The following CHD7 variants were observed in gnomAD, a reference collection of about 807,000 sequenced individuals.
The protein encoded by CHD7 is ATP-dependent chromatin remodeler CHD7.
A neutral mutation model predicts 307.3 loss-of-function variants in CHD7; 24 were observed. That is an observed-to-expected ratio of 0.08 (90% CI 0.06 to 0.11). The LOEUF (loss-of-function observed/expected upper bound fraction) is 0.11, where lower values mean the gene tolerates loss of function less well. Among genes scored for constraint, CHD7 ranks in the 10% least tolerant of loss-of-function variants. CHD7 has a pLI of 1.00. For synonymous variants in CHD7, 1,363 were observed against 1,349.9 expected (o/e 1.01, Z -0.21); for missense variants, 3,106 against 3,727.1 (o/e 0.83, Z 4.34).
intron 1 of CHD7, among the ~76,000 whole-genome samples, chr8:60,733,433 C>T (rs899432031): frequency 2.0e-5 from 3 of 152,170 alleles, no homozygotes; most frequent in African/African-American, 7.2e-5. Flanking sequence ...AATGAAGACC[C>T]TGCTGGACAT....
At chr8:60,840,597 A>G (rs567402902) in intron 19 of CHD7, among the ~76,000 whole-genome samples, 1 of 150,104 alleles carries the variant, frequency 6.7e-6, no homozygotes, top group South Asian at 2.1e-4. Context: ...CAGCTTCCCA[A>G]TAATTTTACC....
chr8:60,855,972 C>T lies in CHD7; in HGVS notation c.6937-3C>T, dbSNP rs1231001444. On this transcript the variant is annotated splice_polypyrimidine_tract_variant and splice_region_variant and intron_variant, in intron 32 of 37. Coordinates refer to ENST00000423902, the MANE Select transcript of CHD7 (RefSeq NM_017780.4). ...TTTCTTGTGACTTTTCTTCTCCCTC[C>T]AGGATAGAGTAATGATAAACCGCTT... 5.0e-6 allele frequency: 8 copies of T among 1,594,662 alleles called. No individual in the cohort carries two copies. Among genetic ancestry groups the T allele is most frequent in the Non-Finnish European group, 6.8e-6 (8 of 1,167,996 alleles).
At chr8:60,691,896 T>C (rs1806211984) in intron 1 of CHD7, among the ~76,000 whole-genome samples, 1 of 152,204 alleles carries the variant, frequency 6.6e-6, no homozygotes, top group Admixed American at 6.5e-5. Context: ...AGATATTTAT[T>C]GGGAGTTAGA....
At chr8:60,761,321 A>C (rs960128661) in intron 2 of CHD7, among the ~76,000 whole-genome samples, 2 of 123,340 alleles carry the variant, frequency 1.6e-5, no homozygotes, top group South Asian at 2.6e-4. Context: ...GAAGGGGAAC[A>C]TCACACTCTG....
intron 1 of CHD7, among the ~76,000 whole-genome samples, chr8:60,706,765 GA>G (rs1434068538): frequency 1.3e-5 from 2 of 151,822 alleles, no homozygotes; most frequent in African/African-American, 2.4e-5. Context: ...TTTCATATAT[GA>G]AAAAAGGAAG....
At chr8:60,849,670 G>A (rs1047385546) in intron 25 of CHD7, among the ~76,000 whole-genome samples, 3 of 152,178 alleles carry the variant, frequency 2.0e-5, no homozygotes, top group Non-Finnish European at 2.9e-5. Context: ...TACAGTGAGC[G>A]ATTCCTGATT....
intron 6 of CHD7, among the ~76,000 whole-genome samples, chr8:60,803,565 C>T (rs1812409364): frequency 6.6e-6 from 1 of 151,952 alleles, no homozygotes; most frequent in South Asian, 2.1e-4. Context: ...GAATTTGAAG[C>T]TGGAGAAAAT....
intron 2 of CHD7, among the ~76,000 whole-genome samples, chr8:60,773,082 T>C (rs180851803): frequency 6.6e-6 from 1 of 152,200 alleles, no homozygotes; most frequent in Non-Finnish European, 1.5e-5. Context: ...ATAGGGTTAT[T>C]ATAGGAATCC....
chr8:60,777,566 C>T (rs1405919228), intron 2 of CHD7, among the ~76,000 whole-genome samples: 1 of 152,188 alleles, frequency 6.6e-6, no homozygotes, highest in East Asian at 1.9e-4. Flanking sequence ...TTAAAAGAAG[C>T]AGAGGGATTG....
intron 19 of CHD7, among the ~76,000 whole-genome samples, chr8:60,838,831 T>C (rs1804849310): frequency 6.6e-6 from 1 of 152,212 alleles, no homozygotes; most frequent in Non-Finnish European, 1.5e-5. Context: ...ACCAGATGGT[T>C]CCACCTGAGA....
intron 2 of CHD7, among the ~76,000 whole-genome samples, chr8:60,760,825 A>T (rs1810157439): frequency 1.3e-5 from 2 of 152,104 alleles, no homozygotes; most frequent in South Asian, 2.1e-4. Context: ...AATGGCAATC[A>T]TTAAAAAGTC....
chr8:60,851,947 C>T, intron 28 of CHD7, 72 bp from the exon 29 acceptor site: 1 of 1,015,864 alleles, frequency 9.8e-7, no homozygotes, highest in Non-Finnish European at 1.4e-6. Context: ...ATGAGTCATC[C>T]TGTTTTGTTG....
In CHD7 at chr8:60,731,662, T is replaced by G. The variant is rs77783819; in HGVS notation, c.-174-9597T>G. On this transcript the variant is annotated intron_variant, in intron 1 of 37. Coordinates refer to ENST00000423902, the MANE Select transcript of CHD7 (RefSeq NM_017780.4). ...TCCATCTCCTTTGTCAAATATAACT[T>G]GATTTGAAACCAAAATTTAGTGTCA... Among the ~76,000 whole-genome samples the G allele has an allele frequency of 6.0e-3, 919 of 152,378 alleles. 7 individuals carry two copies. The highest frequency in any genetic ancestry group is 0.01 in the Non-Finnish European group (699 of 68,024).
intron 4 of CHD7, among the ~76,000 whole-genome samples, chr8:60,796,708 CCTAA>C (rs992494317): frequency 5.9e-5 from 9 of 151,766 alleles, no homozygotes; most frequent in South Asian, 2.1e-4. Flanking sequence ...TTGGCTAGGG[CCTAA>C]CTGTTACGTG....
intron 3 of CHD7, among the ~76,000 whole-genome samples, 155 bp downstream of exon 3, chr8:60,781,585 G>T (rs1308608425): frequency 6.6e-6 from 1 of 152,104 alleles, no homozygotes; most frequent in Non-Finnish European, 1.5e-5. Flanking sequence ...AAAAGCTAAG[G>T]CTTTTACGCA....
intron 1 of CHD7, among the ~76,000 whole-genome samples, chr8:60,713,893 T>C (rs1036461831): frequency 2.6e-5 from 3 of 113,506 alleles, no homozygotes; most frequent in Non-Finnish European, 5.5e-5. Flanking sequence ...GTGATTTTTT[T>C]CCTTCTTTTT....
intron 2 of CHD7, among the ~76,000 whole-genome samples, chr8:60,744,887 G>A (rs1393874504): frequency 2.0e-5 from 3 of 150,252 alleles, no homozygotes; most frequent in Non-Finnish European, 3.0e-5. Flanking sequence ...TTTAATTTTA[G>A]ATTCACGCAG....
At chr8:60,806,448 G>A (rs1339386334) in intron 6 of CHD7, among the ~76,000 whole-genome samples, 2 of 152,110 alleles carry the variant, frequency 1.3e-5, no homozygotes, top group Non-Finnish European at 2.9e-5. Context: ...ACTTGAACTT[G>A]GTAGTATTTA....
intron 1 of CHD7, among the ~76,000 whole-genome samples, chr8:60,680,488 C>T (rs570975615): frequency 7.7e-4 from 116 of 151,464 alleles, no homozygotes; most frequent in African/African-American, 2.7e-3. Context: ...AGCCGCCGGC[C>T]CCGAGCAGCC....
Sources: allele counts gnomAD v4.1 joint callset (sites outside exome capture counted in the v4.1 genomes callset), GRCh38; gene constraint gnomAD v4.1.1; transcripts MANE v1.5; gene names NCBI Gene and HGNC (gene_info 2026-07-23, HGNC 2026-07-21).